CS: variants seen among roughly 807,000 people sequenced by gnomAD.
CS encodes the protein citrate synthase, also known as citrate synthase, mitochondrial.
In CS, 13 loss-of-function variants were observed where a neutral mutation model predicts 61.4. That is an observed-to-expected ratio of 0.21 (90% confidence interval 0.14 to 0.34). CS has a LOEUF of 0.34. Among genes scored for constraint, CS ranks in the 10% least tolerant of loss-of-function variants. The pLI is 1.00. For synonymous variants in CS, 159 were observed against 215.2 expected, an observed-to-expected ratio of 0.74 and a Z score of 2.29; for missense variants, 278 against 573.4, an observed-to-expected ratio of 0.48 and a Z score of 5.26.
chr12:56,277,892 G>A (rs1592406743), intron 6 of CS, among the ~76,000 whole-genome samples: 1 of 152,046 alleles, frequency 6.6e-6, no homozygotes, highest in East Asian at 1.9e-4. Context: ...GCCCCTCAAA[G>A]TTCTGGGATT....
At chr12:56,283,687 G>A (rs939446747) in intron 4 of CS, 105 bp downstream of exon 4, 22 of 760,012 alleles carry the variant, frequency 2.9e-5, no homozygotes, top group African/African-American at 2.5e-4. Context: ...TCCAATATAT[G>A]AAGCTAGGTG....
In CS at chr12:56,280,064, G is replaced by A. The variant is rs567694469; in HGVS notation, c.588+2356C>T. On this transcript the variant is annotated intron_variant, in intron 6 of 10. Coordinates refer to ENST00000351328, the MANE Select transcript of CS (RefSeq NM_004077.3). ...GGGAAGAGGTGGGCGAATCACCTGAGGTCAGGAGTTCTGGACCAGCCGTTC... is the reference window on the plus strand; with the variant it reads ...GGGAAGAGGTGGGCGAATCACCTGAAGTCAGGAGTTCTGGACCAGCCGTTC... Among the ~76,000 whole-genome samples the A allele has an allele frequency of 2.1e-3, 312 of 152,030 alleles. 2 individuals are homozygous for A. Among genetic ancestry groups the A allele is most frequent in the Non-Finnish European group, 3.7e-3 (250 of 67,976 alleles).
At chr12:56,290,825 C>T (rs968072586) in intron 1 of CS, among the ~76,000 whole-genome samples, 1 of 152,210 alleles carries the variant, frequency 6.6e-6, no homozygotes, top group Non-Finnish European at 1.5e-5. Flanking sequence ...AACACTTAAA[C>T]TACTTAACTC....
chr12:56,289,684 TGCC>T (rs1873055300), intron 1 of CS, among the ~76,000 whole-genome samples: 1 of 152,010 alleles, frequency 6.6e-6, no homozygotes, highest in African/African-American at 2.4e-5. Context: ...CCTCGTGATC[TGCC>T]CGCCTCGGCC....
Position 56,274,806 on chromosome 12 carries a change from A to G in CS, c.991T>C (p.Tyr331His). ...CCTGAGTTGAGTGTGTTCCAGATGT[A>G]GTCTCGTAACTTCTCATCTGACACA... is the stretch of plus-strand genomic sequence containing the variant. ...KDVSDEKLRD[Y>H]IWNTLNSGRV... The change falls in exon 9 of 11, where the codon TAC becomes CAC. Residue 331 changes from tyrosine (Y) to histidine (H), a missense_variant. Transcript: ENST00000351328. 1 of 1,609,038 alleles carries G rather than the reference A, an allele frequency of 6.2e-7. No homozygotes were observed. The highest frequency in any genetic ancestry group is 8.5e-7 in the Non-Finnish European group (1 of 1,177,850).
rs562855498 is a variant in CS, at chr12:56,284,589, C to CTTT, written c.202-735_202-733dup. On this transcript the variant is annotated intron_variant, in intron 3 of 10. Coordinates refer to ENST00000351328, the MANE Select transcript of CS (RefSeq NM_004077.3). Reference sequence around the variant, plus strand: ...CCATGTCTGGCTAATTTTTGTATTTCTTTTTTTTTTTTTTAAAGAAATGGG... The same window carrying CTTT: ...CCATGTCTGGCTAATTTTTGTATTTCTTTTTTTTTTTTTTTTTAAAGAAATGGG... Among the ~76,000 whole-genome samples, 8 of 139,632 alleles carry CTTT rather than the reference C, an allele frequency of 5.7e-5. 1 individual carries two copies. The highest frequency in any genetic ancestry group is 7.8e-5 in the Non-Finnish European group (5 of 64,176). The allele number at this position is 139,632 out of a possible 152,430, so 91.6% of individuals were successfully genotyped here.
intron 1 of CS, among the ~76,000 whole-genome samples, chr12:56,294,186 G>A (rs537888683): frequency 6.6e-6 from 1 of 151,920 alleles, no homozygotes; most frequent in South Asian, 2.1e-4. Flanking sequence ...AATAGTCACC[G>A]ATCACTGCTG....
chr12:56,293,095 G>A (rs924109957), intron 1 of CS, among the ~76,000 whole-genome samples: 1 of 151,772 alleles, frequency 6.6e-6, no homozygotes, highest in East Asian at 1.9e-4. Context: ...CAACAGAGGA[G>A]ACTCTGTCTC....
At chr12:56,290,793 T>C (rs1873097764) in intron 1 of CS, among the ~76,000 whole-genome samples, 1 of 152,218 alleles carries the variant, frequency 6.6e-6, no homozygotes, top group Non-Finnish European at 1.5e-5. Flanking sequence ...ACTATTTCTC[T>C]TCCCATTTCC....
intron 6 of CS, among the ~76,000 whole-genome samples, chr12:56,281,609 A>G (rs929254126): frequency 1.3e-5 from 2 of 152,222 alleles, no homozygotes; most frequent in Admixed American, 1.3e-4. Context: ...CTCTGGTGCT[A>G]GCATGAGACT....
Position 56,300,253 on chromosome 12 carries a change from G to A in CS, c.-52C>T. 2 of 1,525,678 alleles carry A rather than the reference G, an allele frequency of 1.3e-6. No individual in the cohort carries two copies. The highest frequency in any genetic ancestry group is 1.2e-5 in the South Asian group (1 of 83,464). 94.5% of individuals were successfully genotyped at this position (1,525,678 alleles called of 1,614,324 possible). ...GGAGGTAAGAAAGGGAGAGAGCTGC[G>A]GCAGGAACAGGAGCCGCCGCCGCTG... On this transcript the variant is annotated 5_prime_UTR_variant, in exon 1 of 11. Transcript: ENST00000351328.
chr12:56,296,697 C>T (rs896057459), intron 1 of CS, among the ~76,000 whole-genome samples: 5 of 152,134 alleles, frequency 3.3e-5, no homozygotes, highest in East Asian at 1.9e-4. Flanking sequence ...CCAACTCTAT[C>T]GCTGCTACCT....
intron 1 of CS, 38 bp downstream of exon 1, chr12:56,300,122 C>A: frequency 6.5e-7 from 1 of 1,548,548 alleles, no homozygotes; most frequent in East Asian, 2.5e-5. Context: ...GCCTCAGCCC[C>A]ACCCTGGGAC....
At chr12:56,294,203 G>A (rs1288119297) in intron 1 of CS, among the ~76,000 whole-genome samples, 1 of 152,134 alleles carries the variant, frequency 6.6e-6, no homozygotes, top group African/African-American at 2.4e-5. Context: ...GCTGGGTGCA[G>A]TGGCTCATGC....
intron 9 of CS, 58 bp from the exon 10 acceptor site, chr12:56,273,854 G>C: frequency 6.9e-7 from 1 of 1,449,218 alleles, no homozygotes. Flanking sequence ...TATTTTTCGA[G>C]ACAGGATCTC....
At chr12:56,276,487 A>C (rs1018181005) in intron 6 of CS, among the ~76,000 whole-genome samples, 4 of 152,346 alleles carry the variant, frequency 2.6e-5, no homozygotes, top group Admixed American at 2.6e-4. Context: ...GCCATTTTAA[A>C]GATGAGTAAA....
chr12:56,282,620 G>A lies in CS; in HGVS notation c.400-12C>T. The A allele has an allele frequency of 6.3e-7, 1 of 1,599,672 alleles. No homozygotes were observed. Among genetic ancestry groups the A allele is most frequent in the South Asian group, 1.1e-5 (1 of 89,112 alleles). On this transcript the variant is annotated splice_polypyrimidine_tract_variant and intron_variant, in intron 5 of 10. Coordinates refer to ENST00000351328, the MANE Select transcript of CS (RefSeq NM_004077.3). ...GAGAGCCAAGATACCTGTGGAAAAAGAGACAGTGCTCAGAACACCAGCAAG... is the reference window on the plus strand; with the variant it reads ...GAGAGCCAAGATACCTGTGGAAAAAAAGACAGTGCTCAGAACACCAGCAAG...
chr12:56,273,929 G>A, intron 9 of CS, 133 bp from the exon 10 acceptor site: 1 of 725,126 alleles, frequency 1.4e-6, no homozygotes, highest in Admixed American at 2.2e-5. Context: ...GACCTCCCAG[G>A]CTCAGGCAAT....
chr12:56,275,378 T>C (rs1370930086), intron 7 of CS: 1 of 419,614 alleles, frequency 2.4e-6, no homozygotes, highest in Non-Finnish European at 4.4e-6. Flanking sequence ...ATCAAGACCA[T>C]CCTGGCCAAC....
Sources: allele counts gnomAD v4.1 joint callset (sites outside exome capture counted in the v4.1 genomes callset), GRCh38; gene constraint gnomAD v4.1.1; transcripts MANE v1.5; gene names NCBI Gene and HGNC (gene_info 2026-07-23, HGNC 2026-07-21).